LIN7A: variants seen among roughly 807,000 people sequenced by gnomAD.
The protein encoded by LIN7A is lin-7 cell polarity scaffold A.
In LIN7A, 25 loss-of-function variants were observed where a neutral mutation model predicts 29.8. The ratio of observed to expected loss-of-function variants is 0.84; its 90% confidence interval spans 0.61 to 1.17. LIN7A has a LOEUF of 1.17. LIN7A is among the 50% of genes most tolerant of loss of function. The probability of loss-of-function intolerance (pLI) is 0.00; values close to 1 mark genes in which losing one functional copy is unlikely to be tolerated. For synonymous variants in LIN7A, 118 were observed against 107.5 expected (o/e 1.10, Z -0.60); for missense variants, 239 against 287.0 (o/e 0.83, Z 1.21).
intron 5 of LIN7A, among the ~76,000 whole-genome samples, chr12:80,806,876 C>T (rs1288356621): frequency 6.6e-6 from 1 of 152,186 alleles, no homozygotes; most frequent in African/African-American, 2.4e-5. Flanking sequence ...ATGGTCACTA[C>T]AGTTTTATCT....
At chr12:80,863,145 A>G (rs189411867) in intron 2 of LIN7A, among the ~76,000 whole-genome samples, 1 of 152,376 alleles carries the variant, frequency 6.6e-6, no homozygotes, top group Non-Finnish European at 1.5e-5. Context: ...TGCAGCTTTG[A>G]TAGAAAGAAA....
intron 1 of LIN7A, among the ~76,000 whole-genome samples, chr12:80,889,776 T>C (rs1368437093): frequency 6.6e-6 from 1 of 152,130 alleles, no homozygotes; most frequent in Non-Finnish European, 1.5e-5. Flanking sequence ...GTTACATGTA[T>C]TACTATGATT....
chr12:80,802,057 G>A (rs923814247), intron 5 of LIN7A, among the ~76,000 whole-genome samples: 1 of 151,824 alleles, frequency 6.6e-6, no homozygotes, highest in Non-Finnish European at 1.5e-5. Context: ...ACCACACCTG[G>A]CTAATTTTTG....
intron 2 of LIN7A, among the ~76,000 whole-genome samples, chr12:80,863,286 G>A (rs1873966820): frequency 6.6e-6 from 1 of 152,166 alleles, no homozygotes; most frequent in Non-Finnish European, 1.5e-5. Flanking sequence ...CTGCTTTCTT[G>A]TAGATTAAAC....
At chr12:80,902,433 G>A (rs1283519995) in intron 1 of LIN7A, among the ~76,000 whole-genome samples, 4 of 150,790 alleles carry the variant, frequency 2.7e-5, no homozygotes, top group African/African-American at 9.7e-5. Flanking sequence ...GAATAGAAAT[G>A]AATGTGTAAA....
At chr12:80,813,202 A>G (rs964471329) in intron 4 of LIN7A, among the ~76,000 whole-genome samples, 10 of 152,086 alleles carry the variant, frequency 6.6e-5, no homozygotes, top group Non-Finnish European at 8.8e-5. Flanking sequence ...TAGTAAAGAC[A>G]GGGTTTCACC....
chr12:80,925,919 T>C (rs1877557152), intron 1 of LIN7A, among the ~76,000 whole-genome samples: 1 of 152,226 alleles, frequency 6.6e-6, no homozygotes, highest in Admixed American at 6.5e-5. Context: ...CCTCTATCCA[T>C]CTGTTCCATT....
At chr12:80,885,115 C>A (rs1283353935) in intron 2 of LIN7A, among the ~76,000 whole-genome samples, 2 of 152,002 alleles carry the variant, frequency 1.3e-5, no homozygotes, top group Non-Finnish European at 2.9e-5. Context: ...TGATTTCTTT[C>A]TCTGAGGTGC....
At chr12:80,835,934 G>A (rs1051507906) in intron 4 of LIN7A, among the ~76,000 whole-genome samples, 2 of 151,940 alleles carry the variant, frequency 1.3e-5, no homozygotes, top group Admixed American at 6.6e-5. Context: ...GTTATCATAT[G>A]CAATATCCTA....
intron 4 of LIN7A, among the ~76,000 whole-genome samples, chr12:80,816,342 T>A (rs1592857623): frequency 6.6e-6 from 1 of 151,096 alleles, no homozygotes; most frequent in Non-Finnish European, 1.5e-5. Context: ...ACCCAGGAGG[T>A]CGGGGCTGTG....
In LIN7A at chr12:80,876,052, TACAC is replaced by T. The variant is rs67035673; in HGVS notation, c.201+13195_201+13198del. Among the ~76,000 whole-genome samples, 181 of 148,216 alleles carry T rather than the reference TACAC, an allele frequency of 1.2e-3. 1 individual carries two copies. Among genetic ancestry groups the T allele is most frequent in the Admixed American group, 3.9e-3 (58 of 14,918 alleles). ...GAGTTCCTTGGTTTTATTATTTTTA[TACAC>T]ACACACACACACACACACACACACA... On this transcript the variant is annotated intron_variant, in intron 2 of 5. Coordinates refer to ENST00000552864, the MANE Select transcript of LIN7A (RefSeq NM_004664.4).
At chr12:80,838,464 C>A (rs1872677716) in intron 4 of LIN7A, among the ~76,000 whole-genome samples, 1 of 152,120 alleles carries the variant, frequency 6.6e-6, no homozygotes, top group Admixed American at 6.6e-5. Flanking sequence ...CTCAGTGTTG[C>A]AAAATATACC....
chr12:80,795,355 A>G lies in LIN7A; in HGVS notation c.*2372T>C, dbSNP rs1299799099. 6.6e-6 allele frequency: 1 copy of G among 152,140 alleles called. No individual in the cohort carries two copies. The highest frequency in any genetic ancestry group is 2.4e-5 in the African/African-American group (1 of 41,446). The allele number at this position is 152,140 out of a possible 1,614,324, so 9.4% of individuals were successfully genotyped here. A position where few individuals can be genotyped will look rare whatever the true frequency, so the allele number is the denominator to read the frequency against. On this transcript the variant is annotated 3_prime_UTR_variant, in exon 6 of 6. Transcript: ENST00000552864. ...ATGAGACCACTCTGACGTATAATCC[A>G]TCCTTAGATGTCCTAGGTGTGATGG...
Position 80,795,158 on chromosome 12 carries a change from A to G in LIN7A, c.*2569T>C, listed in dbSNP as rs1455093220. 6.6e-6 allele frequency: 1 copy of G among 152,150 alleles called. No homozygotes were observed. Among genetic ancestry groups the G allele is most frequent in the Non-Finnish European group, 1.5e-5 (1 of 67,984 alleles). The allele number at this position is 152,150 out of a possible 1,614,324, so 9.4% of individuals were successfully genotyped here. On this transcript the variant is annotated 3_prime_UTR_variant, in exon 6 of 6. Coordinates refer to ENST00000552864, the MANE Select transcript of LIN7A (RefSeq NM_004664.4). ...GCTCTAATATGATCGTTAATAATGA[A>G]GATAATTAGTATAATACAAGTTGTG...
At chr12:80,935,086 G>T (rs1298348379) in intron 1 of LIN7A, among the ~76,000 whole-genome samples, 1 of 152,114 alleles carries the variant, frequency 6.6e-6, no homozygotes, top group Admixed American at 6.5e-5. Flanking sequence ...CATTGCTTAA[G>T]TTACTGCTAT....
At chr12:80,866,042 C>T (rs1017128028) in intron 2 of LIN7A, among the ~76,000 whole-genome samples, 1 of 152,092 alleles carries the variant, frequency 6.6e-6, no homozygotes, top group African/African-American at 2.4e-5. Context: ...GTGTTGTGTG[C>T]AGGTGGGGGG....
chr12:80,815,095 A>ATCTTAAT (rs3072327), intron 4 of LIN7A, among the ~76,000 whole-genome samples: 14,925 of 152,250 alleles, frequency 0.098, 777 homozygotes, highest in East Asian at 0.18. Context: ...TCAGAAGCAT[A>ATCTTAAT]TCTTGTCTTA....
chr12:80,835,259 G>T (rs560956068), intron 4 of LIN7A, among the ~76,000 whole-genome samples: 1 of 152,114 alleles, frequency 6.6e-6, no homozygotes, highest in African/African-American at 2.4e-5. Flanking sequence ...ATAATATACA[G>T]CAACAATGCT....
chr12:80,904,904 G>A (rs1876395212), intron 1 of LIN7A, among the ~76,000 whole-genome samples: 1 of 151,976 alleles, frequency 6.6e-6, no homozygotes, highest in Admixed American at 6.6e-5. Context: ...CATGAGATCA[G>A]GTGTGGAAAT....
Sources: allele counts gnomAD v4.1 joint callset (sites outside exome capture counted in the v4.1 genomes callset), GRCh38; gene constraint gnomAD v4.1.1; transcripts MANE v1.5; gene names NCBI Gene and HGNC (gene_info 2026-07-23, HGNC 2026-07-21).